Variants in PXN observed in about 807,000 individuals in gnomAD.
The protein encoded by PXN is paxillin, also known as testicular tissue protein Li 134.
Under a neutral mutation model 103.6 loss-of-function variants are expected in PXN, and 61 were observed. That is an observed-to-expected ratio of 0.59 (90% CI 0.48 to 0.73). PXN has a LOEUF of 0.73. Among genes scored for constraint, PXN ranks in the 30% least tolerant of loss-of-function variants. The pLI, the probability that PXN is intolerant of heterozygous loss-of-function variation, is 0.00. For synonymous variants in PXN, 562 were observed against 607.8 expected (o/e 0.92, Z 1.11); for missense variants, 1,274 against 1,460.3 (o/e 0.87, Z 2.08).
At chr12:120,234,572 A>T (rs1186371550) in intron 1 of PXN, among the ~76,000 whole-genome samples, 2 of 152,196 alleles carry the variant, frequency 1.3e-5, no homozygotes, top group Non-Finnish European at 2.9e-5. Flanking sequence ...ATGGTCACAC[A>T]GTTCTTTGGA....
Position 120,216,530 on chromosome 12 carries a change from G to A in PXN, c.2044C>T (p.Leu682=). The A allele has an allele frequency of 1.4e-6, 2 of 1,408,562 alleles. No individual in the cohort carries two copies. The highest frequency in any genetic ancestry group is 1.8e-6 in the Non-Finnish European group (2 of 1,089,864). 87.3% of individuals were successfully genotyped at this position (1,408,562 alleles called of 1,614,324 possible). The change falls in exon 9 of 15, where the codon CTG becomes TTG. Residue 682 remains leucine, a synonymous_variant. Coordinates refer to ENST00000637617, the MANE Select transcript of PXN (RefSeq NM_001385981.1). The surrounding 1 kb of genome is among the most constrained non-coding windows in gnomAD (Gnocchi z 5.1). The part of the protein sequence containing the change: ...PIPLRRTISV[L]ASPSVPLLQH... ...AGCAAAGGGACAGAAGGAGAAGCCA[G>A]GACAGAGATGGTTCTTCTCAGGGGA...
At chr12:120,235,812 G>A (rs1888926805) in intron 1 of PXN, among the ~76,000 whole-genome samples, 1 of 152,158 alleles carries the variant, frequency 6.6e-6, no homozygotes, top group Non-Finnish European at 1.5e-5. Flanking sequence ...AGGTCGACGC[G>A]CACAAGTGTT....
Position 120,215,109 on chromosome 12 carries a change from GGCGATGGGCTTCTT to G in PXN, c.2554_2567del (p.Lys852ArgfsTer40), listed in dbSNP as rs1566356328. The G allele has an allele frequency of 6.3e-7, 1 of 1,578,142 alleles. No homozygotes were observed. Among genetic ancestry groups the G allele is most frequent in the Non-Finnish European group, 8.6e-7 (1 of 1,159,804 alleles). On this transcript the variant is annotated frameshift_variant, in exon 11 of 15. Transcript: ENST00000637617. LOFTEE classifies it high-confidence loss of function. This position sits in a 1 kb window ranked among gnomAD's most constrained non-coding sequence, Gnocchi z 4.9. ...GCCCACTCCCCCTCATCACCTGCCCGGCGATGGGCTTCTTGCAGGCCCCGCAGACTCCTTTGGCG... is the reference window on the plus strand; with the variant it reads ...GCCCACTCCCCCTCATCACCTGCCCGGCAGGCCCCGCAGACTCCTTTGGCG...
chr12:120,234,093 C>T (rs1447219689), intron 1 of PXN, among the ~76,000 whole-genome samples: 2 of 123,662 alleles, frequency 1.6e-5, no homozygotes, highest in African/African-American at 2.6e-5. Context: ...CAAGTGAAAT[C>T]GTAAGATAAA....
intron 1 of PXN, among the ~76,000 whole-genome samples, chr12:120,230,907 T>C (rs1387077693): frequency 1.3e-5 from 2 of 152,136 alleles, no homozygotes; most frequent in African/African-American, 4.8e-5. Flanking sequence ...CCCTGCCAAT[T>C]TGGGTTCTTG....
chr12:120,212,413 G>A lies in PXN; in HGVS notation c.3147C>T (p.Phe1049=), dbSNP rs755886970. ...AMAKKFHPEH[F]VCAFCLKQLN... ...GCTGCTTGAGGCAGAAGGCACAGAC[G>A]AAGTGCTCGGGGTGGAACTTCTTGG... The change falls in exon 15 of 15, where the codon TTC becomes TTT. Residue 1049 remains phenylalanine (F), a synonymous_variant. Transcript: ENST00000637617. The surrounding 1 kb of genome is among the most constrained non-coding windows in gnomAD (Gnocchi z 7.2). The A allele has an allele frequency of 1.5e-5, 25 of 1,613,888 alleles. No individual in the cohort carries two copies. The highest frequency in any genetic ancestry group is 3.3e-5 in the Admixed American group (2 of 60,004).
chr12:120,242,311 G>T (rs540496404), intron 1 of PXN, among the ~76,000 whole-genome samples: 2 of 152,250 alleles, frequency 1.3e-5, no homozygotes, highest in Admixed American at 1.3e-4. Context: ...AAGACCATGG[G>T]CTCCCTTCCT....
At position 120,219,807 on chromosome 12, in the gene PXN, C is replaced by A. The variant is rs1038704513; in HGVS notation, c.1116G>T (p.Leu372=). 2.5e-6 allele frequency: 4 copies of A among 1,598,386 alleles called. No individual in the cohort carries two copies. Among genetic ancestry groups the A allele is most frequent in the African/African-American group, 2.7e-5 (2 of 75,044 alleles). Residue 372 remains leucine, a synonymous_variant, in exon 7 of 15, where the codon CTG becomes CTT. Transcript: ENST00000637617. This position sits in a 1 kb window ranked among gnomAD's most constrained non-coding sequence, Gnocchi z 6.5. ...NSRSPSVEGS[L]WAVGTESQGR... ...CCTGACTCTCTGTGCCCACTGCCCA[C>A]AGAGAACCCTCCACAGAGGGAGACC... is the stretch of plus-strand genomic sequence containing the variant.
At chr12:120,257,510 C>T (rs1353172402) in intron 1 of PXN, among the ~76,000 whole-genome samples, 1 of 152,220 alleles carries the variant, frequency 6.6e-6, no homozygotes, top group Non-Finnish European at 1.5e-5. Flanking sequence ...AAGCCCTCCC[C>T]TCATGAGAGC....
rs1166402307 is a variant in PXN at position 120,223,719 on chromosome 12, T to C, written c.355A>G (p.Ser119Gly). The change falls in exon 3 of 15, where the codon AGC becomes GGC. Residue 119 changes from serine (S) to glycine (G), a missense_variant and splice_region_variant. Coordinates refer to ENST00000637617, the MANE Select transcript of PXN (RefSeq NM_001385981.1). ...GCCCTGGGCAGACTGGGGCAGTACC[T>C]GTAGACGTGCTCCTCCTCACCCACT... The part of the protein sequence containing the change: ...SRVGEEEHVY[S>G]FPNKQKSAEP... The C allele has an allele frequency of 6.3e-7, 1 of 1,579,842 alleles. No homozygotes were observed. The highest frequency in any genetic ancestry group is 8.6e-7 in the Non-Finnish European group (1 of 1,160,702).
chr12:120,250,544 C>G (rs1209828901), intron 1 of PXN, among the ~76,000 whole-genome samples: 1 of 152,188 alleles, frequency 6.6e-6, no homozygotes, highest in Non-Finnish European at 1.5e-5. Flanking sequence ...CTCCCTGTGG[C>G]AGCTCTCACT....
chr12:120,235,777 T>C (rs907322122), intron 1 of PXN, among the ~76,000 whole-genome samples: 1 of 152,160 alleles, frequency 6.6e-6, no homozygotes, highest in Admixed American at 6.5e-5. Flanking sequence ...GCACTCCATG[T>C]TCTGGTCTAA....
At chr12:120,242,628 G>A (rs1301431529) in intron 1 of PXN, among the ~76,000 whole-genome samples, 3 of 152,128 alleles carry the variant, frequency 2.0e-5, no homozygotes, top group Non-Finnish European at 4.4e-5. Flanking sequence ...GCTCATGCCT[G>A]TAATCCCAGC....
chr12:120,263,523 G>A (rs1894206852), intron 1 of PXN, among the ~76,000 whole-genome samples: 1 of 152,234 alleles, frequency 6.6e-6, no homozygotes, highest in Non-Finnish European at 1.5e-5. Context: ...CTGGGAGCTA[G>A]GAATTGGGCT....
At position 120,214,895 on chromosome 12, in the gene PXN, G is replaced by A. The variant is rs61748077; in HGVS notation, c.2678C>T (p.Pro893Leu). The A allele has an allele frequency of 2.0e-5, 33 of 1,613,876 alleles. No individual in the cohort carries two copies. The highest frequency in any genetic ancestry group is 2.7e-5 in the Non-Finnish European group (32 of 1,179,876). ...GTTGTGGTAGTCCTTTTCACAGTAGGGCTGTCCATCCCGCTCGAAGAAGTT... is the reference window on the plus strand; with the variant it reads ...GTTGTGGTAGTCCTTTTCACAGTAGAGCTGTCCATCCCGCTCGAAGAAGTT... Reference protein sequence around the residue: ...SRNFFERDGQPYCEKDYHNLF... With the variant: ...SRNFFERDGQLYCEKDYHNLF... Residue 893 changes from proline (P) to leucine (L), a missense_variant, in exon 12 of 15, where the codon CCC (proline) becomes CTC (leucine). By Grantham distance (98) the Pro-to-Leu change is moderately conservative. Coordinates refer to ENST00000637617, the MANE Select transcript of PXN (RefSeq NM_001385981.1). The surrounding 1 kb of genome is among the most constrained non-coding windows in gnomAD (Gnocchi z 5.0).
At chr12:120,254,244 C>T (rs934972180) in intron 1 of PXN, among the ~76,000 whole-genome samples, 2 of 152,078 alleles carry the variant, frequency 1.3e-5, no homozygotes, top group Non-Finnish European at 2.9e-5. Flanking sequence ...ACAGTGGTTA[C>T]TATGGGTGGA....
At position 120,215,975 on chromosome 12, in the gene PXN, T is replaced by C; in HGVS notation, c.2301+298A>G. 7.3e-7 allele frequency: 1 copy of C among 1,373,756 alleles called. No individual in the cohort carries two copies. The highest frequency in any genetic ancestry group is 9.4e-7 in the Non-Finnish European group (1 of 1,064,094). 85.1% of individuals were successfully genotyped at this position (1,373,756 alleles called of 1,614,324 possible). Reference sequence around the variant, plus strand: ...TGGAAGGGAGGAGACAGGTTTCTGGTCTCCCTTCTGGAGTGGCTTCTTTCC... The same window carrying C: ...TGGAAGGGAGGAGACAGGTTTCTGGCCTCCCTTCTGGAGTGGCTTCTTTCC... On this transcript the variant is annotated intron_variant, in intron 9 of 14. Transcript: ENST00000637617. The surrounding 1 kb of genome is among the most constrained non-coding windows in gnomAD (Gnocchi z 4.9).
In PXN at chr12:120,221,549, C is replaced by A; in HGVS notation, c.831+74G>T. 6.8e-7 allele frequency: 1 copy of A among 1,465,004 alleles called. No individual in the cohort carries two copies. The highest frequency in any genetic ancestry group is 2.1e-5 in the Admixed American group (1 of 48,582). 90.8% of individuals were successfully genotyped at this position (1,465,004 alleles called of 1,614,324 possible). Reference sequence around the variant, plus strand: ...CACTGAGATGCCAAGATCCAGCTACCCACACTGAGGTAAGGGAGGAGAAGG... The same window carrying A: ...CACTGAGATGCCAAGATCCAGCTACACACACTGAGGTAAGGGAGGAGAAGG... On this transcript the variant is annotated intron_variant, in intron 6 of 14. Coordinates refer to ENST00000637617, the MANE Select transcript of PXN (RefSeq NM_001385981.1). This position sits in a 1 kb window ranked among gnomAD's most constrained non-coding sequence, Gnocchi z 6.6.
chr12:120,258,357 C>A (rs1893346773), intron 1 of PXN, among the ~76,000 whole-genome samples: 1 of 152,154 alleles, frequency 6.6e-6, no homozygotes, highest in Non-Finnish European at 1.5e-5. Flanking sequence ...CACACACTGT[C>A]TCTGGGCCTG....
Sources: gnomAD v4.1 joint callset for allele counts (sites outside exome capture counted in the v4.1 genomes callset) on GRCh38, gnomAD v4.1.1 for gene constraint, Gnocchi (gnomAD v3.1) non-coding constraint, MANE v1.5 for transcripts, NCBI Gene and HGNC (gene_info 2026-07-23, HGNC 2026-07-21) for gene names.